The following CFAP299 variants were observed in gnomAD, a reference collection of about 807,000 sequenced individuals.
CFAP299 encodes the protein cilia- and flagella-associated protein 299.
In CFAP299, 21 loss-of-function variants were observed where a neutral mutation model predicts 27.0. The ratio of observed to expected loss-of-function variants is 0.78; its 90% CI spans 0.55 to 1.12. The LOEUF (loss-of-function observed/expected upper bound fraction) is 1.12. Ranked by LOEUF, CFAP299 falls within the 50% of genes most tolerant of loss-of-function variation. The pLI, the probability that CFAP299 is intolerant of heterozygous loss-of-function variation, is 0.00. For missense variants in CFAP299, 310 were observed against 276.6 expected, an observed-to-expected ratio of 1.12 and a Z score of -0.86; for synonymous variants, 104 against 98.1, an observed-to-expected ratio of 1.06 and a Z score of -0.36.
At chr4:80,566,135 A>G (rs1242168507) in intron 2 of CFAP299, among the ~76,000 whole-genome samples, 2 of 152,104 alleles carry the variant, frequency 1.3e-5, no homozygotes, top group Non-Finnish European at 2.9e-5. Context: ...ATAGAAGTCT[A>G]GGATACTTCC....
At chr4:80,408,120 C>T (rs1305392684) in intron 2 of CFAP299, among the ~76,000 whole-genome samples, 1 of 152,140 alleles carries the variant, frequency 6.6e-6, no homozygotes, top group Non-Finnish European at 1.5e-5. Context: ...TCCCCTAATG[C>T]ACATAGGCAA....
At chr4:80,736,223 T>C (rs1404656240) in intron 3 of CFAP299, among the ~76,000 whole-genome samples, 1 of 152,086 alleles carries the variant, frequency 6.6e-6, no homozygotes, top group African/African-American at 2.4e-5. Context: ...AGGTCGAACG[T>C]TTAAGTCTTT....
chr4:80,619,322 G>A (rs1738457483), intron 3 of CFAP299, among the ~76,000 whole-genome samples: 1 of 152,120 alleles, frequency 6.6e-6, no homozygotes, highest in Non-Finnish European at 1.5e-5. Flanking sequence ...ATAGAGCACT[G>A]AAGGACCTTC....
intron 4 of CFAP299, among the ~76,000 whole-genome samples, chr4:80,886,665 CA>C (rs1007049905): frequency 6.6e-6 from 1 of 152,028 alleles, no homozygotes; most frequent in African/African-American, 2.4e-5. Context: ...TCATCAATGC[CA>C]AGGCACTGAT....
intron 3 of CFAP299, among the ~76,000 whole-genome samples, chr4:80,843,472 T>C (rs762298533): frequency 6.6e-6 from 1 of 152,174 alleles, no homozygotes; most frequent in Non-Finnish European, 1.5e-5. Flanking sequence ...CATAATCCAG[T>C]CTATCATTGT....
rs1305273198 is a variant in CFAP299, at chr4:80,362,786, A to G, written c.144A>G (p.Leu48=). The change falls in exon 2 of 6, where the codon CTA becomes CTG. Residue 48 remains leucine (L), a synonymous_variant. Coordinates refer to ENST00000358105, the MANE Select transcript of CFAP299 (RefSeq NM_152770.3). The part of the protein sequence containing the change: ...DETLARQLVE[L]GYRGTGERVK... ...CCCTGGCCCGCCAGTTGGTGGAGCT[A>G]GGCTACCGAGGGACTGGAGAGAGAG... is the stretch of plus-strand genomic sequence containing the variant. 6.2e-6 allele frequency: 10 copies of G among 1,611,962 alleles called. No individual in the cohort carries two copies. In the South Asian group the frequency reaches 8.8e-5, roughly 14 times the overall value.
chr4:80,585,528 A>G (rs1736390364), intron 3 of CFAP299, among the ~76,000 whole-genome samples: 1 of 152,282 alleles, frequency 6.6e-6, no homozygotes, highest in Admixed American at 6.5e-5. Flanking sequence ...ATAATTCTCA[A>G]ATAAATGTGG....
intron 2 of CFAP299, among the ~76,000 whole-genome samples, chr4:80,462,551 G>A (rs1245563285): frequency 6.6e-6 from 1 of 152,072 alleles, no homozygotes; most frequent in Non-Finnish European, 1.5e-5. Context: ...ACAGAGTTTG[G>A]GTTTTATCTC....
intron 3 of CFAP299, among the ~76,000 whole-genome samples, chr4:80,791,551 A>G (rs1405793726): frequency 1.3e-5 from 2 of 152,102 alleles, no homozygotes; most frequent in African/African-American, 4.8e-5. Flanking sequence ...AGTAAGATAG[A>G]AGTAAACTTT....
intron 3 of CFAP299, among the ~76,000 whole-genome samples, chr4:80,767,222 G>C (rs1217673677): frequency 6.6e-6 from 1 of 152,046 alleles, no homozygotes; most frequent in South Asian, 2.1e-4. Context: ...ATTAGACAAA[G>C]AGGTTAATAA....
At chr4:80,500,035 T>C (rs185672154) in intron 2 of CFAP299, among the ~76,000 whole-genome samples, 82 of 152,220 alleles carry the variant, frequency 5.4e-4, no homozygotes, top group Non-Finnish European at 1.1e-3. Context: ...AGTTCAAATT[T>C]TATTTTTTGG....
At chr4:80,694,911 C>T (rs138440471) in intron 3 of CFAP299, among the ~76,000 whole-genome samples, 13 of 152,268 alleles carry the variant, frequency 8.5e-5, no homozygotes, top group African/African-American at 3.1e-4. Context: ...ATTTACATGG[C>T]TTAGATGATT....
At chr4:80,861,144 C>T (rs1265613789) in intron 3 of CFAP299, among the ~76,000 whole-genome samples, 1 of 152,204 alleles carries the variant, frequency 6.6e-6, no homozygotes, top group Non-Finnish European at 1.5e-5. Flanking sequence ...CTCGCTGCCA[C>T]CTTGCAGTTT....
rs1399382222 is a variant in CFAP299 at position 80,688,122 on chromosome 4, C to A, written c.333+104939C>A. Among the ~76,000 whole-genome samples the A allele has an allele frequency of 2.0e-5, 3 of 152,232 alleles. No individual in the cohort carries two copies. In the South Asian group the frequency reaches 6.2e-4, roughly 31 times the overall value. The stretch of plus-strand genomic sequence containing the variant: ...GCAGCGAGGCTGGGGGAGGGGCGCC[C>A]GCCATTGCCCAGGCTTGCTTAGGTA... On this transcript the variant is annotated intron_variant, in intron 3 of 5. Transcript: ENST00000358105.
chr4:80,470,842 A>G (rs1245019527), intron 2 of CFAP299, among the ~76,000 whole-genome samples: 1 of 152,214 alleles, frequency 6.6e-6, no homozygotes, highest in African/African-American at 2.4e-5. Flanking sequence ...TCAGCAGAAA[A>G]ATTAATTACA....
At chr4:80,715,159 G>T (rs1365821339) in intron 3 of CFAP299, among the ~76,000 whole-genome samples, 1 of 152,060 alleles carries the variant, frequency 6.6e-6, no homozygotes, top group Non-Finnish European at 1.5e-5. Context: ...AAGTTGGGCA[G>T]ATGTTTTGAA....
intron 3 of CFAP299, among the ~76,000 whole-genome samples, chr4:80,675,109 G>A (rs765397925): frequency 6.6e-6 from 1 of 152,170 alleles, no homozygotes; most frequent in Admixed American, 6.5e-5. Flanking sequence ...AGGTGCTTTG[G>A]TTTTTAGAAT....
chr4:80,728,413 A>G (rs1045403816), intron 3 of CFAP299, among the ~76,000 whole-genome samples: 6 of 152,182 alleles, frequency 3.9e-5, no homozygotes, highest in Non-Finnish European at 8.8e-5. Context: ...GTTTTTTAAA[A>G]AACAATACTT....
chr4:80,627,849 G>A (rs754187926), intron 3 of CFAP299, among the ~76,000 whole-genome samples: 2 of 151,858 alleles, frequency 1.3e-5, no homozygotes, highest in African/African-American at 4.8e-5. Context: ...ACACATAAAT[G>A]GAAATATATT....
Sources: gnomAD v4.1 joint callset for allele counts (sites outside exome capture counted in the v4.1 genomes callset) on GRCh38, gnomAD v4.1.1 for gene constraint, MANE v1.5 for transcripts, NCBI Gene and HGNC (gene_info 2026-07-23, HGNC 2026-07-21) for gene names.